GRIK1: variants seen among roughly 807,000 people sequenced by gnomAD.
GRIK1 encodes the protein glutamate ionotropic receptor kainate type subunit 1.
In GRIK1, 69 loss-of-function variants were observed where a neutral mutation model predicts 105.7. The observed-to-expected ratio is 0.65, with a 90% CI of 0.54 to 0.80. The LOEUF (loss-of-function observed/expected upper bound fraction) is 0.80. Among genes scored for constraint, GRIK1 ranks in the 30% least tolerant of loss-of-function variants. The probability of loss-of-function intolerance (pLI) is 0.00; values close to 1 mark genes in which losing one functional copy is unlikely to be tolerated. For missense variants in GRIK1, 1,109 were observed against 1,167.3 expected, an observed-to-expected ratio of 0.95 and a Z score of 0.73; for synonymous variants, 438 against 431.3, an observed-to-expected ratio of 1.02 and a Z score of -0.19.
At chr21:29,798,851 C>T (rs2066627404) in intron 1 of GRIK1, among the ~76,000 whole-genome samples, 1 of 152,166 alleles carries the variant, frequency 6.6e-6, no homozygotes, top group African/African-American at 2.4e-5. Flanking sequence ...AGTCCGAAGA[C>T]ATCACCTGGC....
chr21:29,610,099 C>T (rs1434077224), intron 7 of GRIK1, among the ~76,000 whole-genome samples: 1 of 152,090 alleles, frequency 6.6e-6, no homozygotes, highest in African/African-American at 2.4e-5. Context: ...CATAAACTTA[C>T]AGGTAAAAAG....
chr21:29,759,207 T>C (rs1176280657), intron 1 of GRIK1, among the ~76,000 whole-genome samples: 1 of 150,012 alleles, frequency 6.7e-6, no homozygotes, highest in South Asian at 2.1e-4. Flanking sequence ...AAGCTCCACC[T>C]CCCAGGTTCA....
intron 1 of GRIK1, among the ~76,000 whole-genome samples, chr21:29,873,118 A>G (rs1245752666): frequency 6.6e-6 from 1 of 152,190 alleles, no homozygotes; most frequent in Non-Finnish European, 1.5e-5. Context: ...GGAATTAAAG[A>G]ATCTTTGAGG....
chr21:29,706,540 TGA>T (rs2146790888), intron 1 of GRIK1, among the ~76,000 whole-genome samples: 1 of 152,354 alleles, frequency 6.6e-6, no homozygotes, highest in South Asian at 2.1e-4. Context: ...TAAAATGAAC[TGA>T]GAGTCTGCAT....
intron 1 of GRIK1, among the ~76,000 whole-genome samples, chr21:29,831,031 C>T (rs909012672): frequency 6.6e-6 from 1 of 152,066 alleles, no homozygotes; most frequent in African/African-American, 2.4e-5. Flanking sequence ...TTTAAAAATG[C>T]TTATGGTGAA....
intron 1 of GRIK1, among the ~76,000 whole-genome samples, chr21:29,765,337 G>A (rs2065632200): frequency 6.6e-6 from 1 of 152,038 alleles, no homozygotes; most frequent in Non-Finnish European, 1.5e-5. Context: ...ATGCTTTCAA[G>A]TAATGAGAAA....
At chr21:29,712,426 G>T (rs576351727) in intron 1 of GRIK1, among the ~76,000 whole-genome samples, 85 of 151,960 alleles carry the variant, frequency 5.6e-4, no homozygotes, top group African/African-American at 2.0e-3. Flanking sequence ...TGAAGAATAT[G>T]TTCCTTTTTA....
At chr21:29,818,950 A>C (rs923597826) in intron 1 of GRIK1, among the ~76,000 whole-genome samples, 1 of 152,058 alleles carries the variant, frequency 6.6e-6, no homozygotes, top group African/African-American at 2.4e-5. Flanking sequence ...CAAGTAGAAA[A>C]GCTAGGTCTA....
At chr21:29,580,876 A>G (rs75137620) in intron 13 of GRIK1, among the ~76,000 whole-genome samples, 2 of 152,262 alleles carry the variant, frequency 1.3e-5, no homozygotes, top group East Asian at 1.9e-4. Flanking sequence ...TTACATTTCT[A>G]TGGCCAAATT....
intron 7 of GRIK1, among the ~76,000 whole-genome samples, chr21:29,638,431 T>A (rs141741742): frequency 6.6e-6 from 1 of 152,068 alleles, no homozygotes; most frequent in African/African-American, 2.4e-5. Context: ...GGTACCCCAC[T>A]CCACACGTGA....
Position 29,695,217 on chromosome 21 carries a change from G to A in GRIK1, c.119-1154C>T, listed in dbSNP as rs542000218. Among the ~76,000 whole-genome samples the A allele has an allele frequency of 3.9e-5, 6 of 152,214 alleles. 1 individual carries two copies. The highest frequency in any genetic ancestry group is 1.2e-4 in the African/African-American group (5 of 41,538). On this transcript the variant is annotated intron_variant, in intron 1 of 17. Transcript: ENST00000327783. ...TTGATGTTTGACAGAAACAATGTAA[G>A]TGTTGTTAACTGTACAGTTCTTAGA...
At chr21:29,545,135 C>G (rs1296709272) in intron 16 of GRIK1, among the ~76,000 whole-genome samples, 1 of 152,244 alleles carries the variant, frequency 6.6e-6, no homozygotes, top group Non-Finnish European at 1.5e-5. Flanking sequence ...CTAGAAAGGA[C>G]ACATGAATAG....
intron 1 of GRIK1, among the ~76,000 whole-genome samples, chr21:29,931,412 T>C (rs548506858): frequency 6.6e-6 from 1 of 152,254 alleles, no homozygotes; most frequent in Non-Finnish European, 1.5e-5. Flanking sequence ...GCTCTAGGCT[T>C]TGGGGAGGAA....
chr21:29,830,631 A>G (rs2067605698), intron 1 of GRIK1, among the ~76,000 whole-genome samples: 1 of 152,122 alleles, frequency 6.6e-6, no homozygotes, highest in Non-Finnish European at 1.5e-5. Context: ...TATCTCCTTA[A>G]AGTTTATTTT....
At chr21:29,920,727 G>A (rs564863468) in intron 1 of GRIK1, among the ~76,000 whole-genome samples, 7 of 152,134 alleles carry the variant, frequency 4.6e-5, no homozygotes, top group African/African-American at 1.7e-4. Flanking sequence ...GAGCCATTGA[G>A]TGAAGTGCAT....
intron 3 of GRIK1, among the ~76,000 whole-genome samples, chr21:29,678,307 A>C (rs2063311931): frequency 1.3e-5 from 2 of 152,210 alleles, no homozygotes; most frequent in Admixed American, 1.3e-4. Flanking sequence ...GGGGAAACAC[A>C]ATGCTTTTAA....
intron 1 of GRIK1, among the ~76,000 whole-genome samples, chr21:29,928,736 A>G (rs1360821896): frequency 1.3e-5 from 2 of 152,190 alleles, no homozygotes; most frequent in African/African-American, 4.8e-5. Flanking sequence ...GGGGCTGCTC[A>G]GTCAGGGATT....
chr21:29,591,534 C>T (rs987680472), intron 9 of GRIK1, among the ~76,000 whole-genome samples: 2 of 151,972 alleles, frequency 1.3e-5, no homozygotes, highest in Admixed American at 6.6e-5. Context: ...GATTTTTCTT[C>T]CTATATATAT....
chr21:29,767,863 CATGTGTGTGT>C (rs1042176745), intron 1 of GRIK1, among the ~76,000 whole-genome samples: 40 of 91,678 alleles, frequency 4.4e-4, no homozygotes, highest in African/African-American at 1.5e-3. Context: ...AGCTGAAATT[CATGTGTGTGT>C]GTGTGTGTGT....
Sources: gnomAD v4.1 joint callset for allele counts (sites outside exome capture counted in the v4.1 genomes callset) on GRCh38, gnomAD v4.1.1 for gene constraint, MANE v1.5 for transcripts, NCBI Gene and HGNC (gene_info 2026-07-23, HGNC 2026-07-21) for gene names.